The following DNER variants were observed in gnomAD, a reference collection of about 807,000 sequenced individuals.
DNER encodes delta and Notch-like epidermal growth factor-related receptor.
In DNER, 33 loss-of-function variants were observed where a neutral mutation model predicts 78.2. That is an observed-to-expected ratio of 0.42 (90% CI 0.32 to 0.56). The LOEUF (loss-of-function observed/expected upper bound fraction) is 0.56, where lower values mean the gene tolerates loss of function less well. Among genes scored for constraint, DNER ranks in the 20% least tolerant of loss-of-function variants. The pLI is 0.11. For synonymous variants in DNER, 417 were observed against 384.8 expected (o/e 1.08, Z -0.98); for missense variants, 918 against 975.3 (o/e 0.94, Z 0.78).
At chr2:229,561,307 T>C (rs1696955548) in intron 4 of DNER, among the ~76,000 whole-genome samples, 1 of 152,208 alleles carries the variant, frequency 6.6e-6, no homozygotes, top group Non-Finnish European at 1.5e-5. Context: ...TATTAAGTAA[T>C]ATCATTTGCT....
At chr2:229,375,035 T>C (rs1692567670) in intron 11 of DNER, among the ~76,000 whole-genome samples, 1 of 152,162 alleles carries the variant, frequency 6.6e-6, no homozygotes, top group Non-Finnish European at 1.5e-5. Flanking sequence ...TTTTTTGGAA[T>C]AAAAAAGTCA....
In DNER at chr2:229,668,573, T is replaced by TATAC. The variant is rs1553550489; in HGVS notation, c.276+45574_276+45575insGTAT. ...ATATATATATATATATATATATATA[T>TATAC]ATATATAAAAGAAGACATTTATGTG... On this transcript the variant is annotated intron_variant, in intron 1 of 12. Coordinates refer to ENST00000341772, the MANE Select transcript of DNER (RefSeq NM_139072.4). Among the ~76,000 whole-genome samples, 340 of 91,578 alleles carry TATAC rather than the reference T, an allele frequency of 3.7e-3. 1 individual carries two copies. The highest frequency in any genetic ancestry group is 0.013 in the African/African-American group (224 of 16,768). The allele number at this position is 91,578 out of a possible 152,430, so 60.1% of individuals were successfully genotyped here.
chr2:229,484,703 C>T (rs1287778905), intron 6 of DNER, among the ~76,000 whole-genome samples: 1 of 152,122 alleles, frequency 6.6e-6, no homozygotes, highest in Non-Finnish European at 1.5e-5. Flanking sequence ...GCCAGGGCTG[C>T]TGCTGAACAC....
intron 1 of DNER, among the ~76,000 whole-genome samples, chr2:229,634,227 A>G (rs929975799): frequency 6.6e-6 from 1 of 152,174 alleles, no homozygotes; most frequent in Admixed American, 6.5e-5. Context: ...TATAATAGCT[A>G]TGTCTGAGTT....
At chr2:229,664,587 G>A (rs1461724113) in intron 1 of DNER, among the ~76,000 whole-genome samples, 1 of 152,188 alleles carries the variant, frequency 6.6e-6, no homozygotes, top group African/African-American at 2.4e-5. Context: ...CACACTAGAA[G>A]CAATGCAGAT....
intron 1 of DNER, among the ~76,000 whole-genome samples, chr2:229,674,023 G>T (rs1699256176): frequency 6.6e-6 from 1 of 152,188 alleles, no homozygotes; most frequent in Non-Finnish European, 1.5e-5. Flanking sequence ...CCCAGTGAAG[G>T]TCTCCATTCT....
intron 1 of DNER, among the ~76,000 whole-genome samples, chr2:229,594,878 G>A (rs899640458): frequency 6.9e-6 from 1 of 143,894 alleles, no homozygotes; most frequent in Non-Finnish European, 1.5e-5. Context: ...TATGATAATG[G>A]TAATACTCAA....
At chr2:229,681,827 AACACACACAC>A (rs72248647) in intron 1 of DNER, among the ~76,000 whole-genome samples, 36 of 144,446 alleles carry the variant, frequency 2.5e-4, no homozygotes, top group South Asian at 2.0e-3. Flanking sequence ...CTCTGCCTAA[AACACACACAC>A]ACACACACAC....
intron 1 of DNER, among the ~76,000 whole-genome samples, chr2:229,669,895 G>T (rs1699178557): frequency 6.6e-6 from 1 of 152,154 alleles, no homozygotes; most frequent in Non-Finnish European, 1.5e-5. Flanking sequence ...GAGGGTTCTT[G>T]CTCAATGAGT....
intron 11 of DNER, among the ~76,000 whole-genome samples, chr2:229,378,094 C>T (rs1165497268): frequency 6.6e-6 from 1 of 152,114 alleles, no homozygotes; most frequent in Non-Finnish European, 1.5e-5. Context: ...GCAGAAGGCA[C>T]CACGAGCCAA....
intron 8 of DNER, among the ~76,000 whole-genome samples, chr2:229,446,667 G>C (rs1694349421): frequency 6.6e-6 from 1 of 152,226 alleles, no homozygotes; most frequent in African/African-American, 2.4e-5. Context: ...CTAGTGGGTT[G>C]TGCACACACA....
rs140453968 is a variant in DNER at position 229,447,494 on chromosome 2, C to T, written c.1308G>A (p.Ser436=). The T allele has an allele frequency of 1.8e-4, 286 of 1,614,132 alleles. 1 individual carries two copies. Among genetic ancestry groups the T allele is most frequent in the African/African-American group, 1.4e-3 (102 of 75,030 alleles). The change falls in exon 8 of 13, where the codon TCG becomes TCA. Residue 436 remains serine (S), a synonymous_variant. Coordinates refer to ENST00000341772, the MANE Select transcript of DNER (RefSeq NM_139072.4). ...ACEEKVDPCA[S]SPCQNNGTCY... ...AGGTGCCGTTGTTCTGGCACGGAGA[C>T]GAGGCGCAGGGGTCCACCTTTTCTT... is the stretch of plus-strand genomic sequence containing the variant.
intron 7 of DNER, among the ~76,000 whole-genome samples, chr2:229,463,435 G>A (rs901718173): frequency 6.6e-6 from 1 of 152,084 alleles, no homozygotes; most frequent in African/African-American, 2.4e-5. Context: ...CAAAATGAAA[G>A]TAGAAAATAT....
chr2:229,627,207 T>C lies in DNER; in HGVS notation c.277-35319A>G, dbSNP rs1292771905. ...AGACCCTGTGAGATATCCACACAAATGCTTCACTCTCTCAATTCTTTCCTC... is the reference window on the plus strand; with the variant it reads ...AGACCCTGTGAGATATCCACACAAACGCTTCACTCTCTCAATTCTTTCCTC... On this transcript the variant is annotated intron_variant, in intron 1 of 12. Transcript: ENST00000341772. Among the ~76,000 whole-genome samples, 14 of 152,192 alleles carry C rather than the reference T, an allele frequency of 9.2e-5. 1 individual carries two copies. Among genetic ancestry groups the C allele is most frequent in the Admixed American group, 9.2e-4 (14 of 15,276 alleles).
Position 229,584,416 on chromosome 2 carries a change from T to C in DNER, c.847+1442A>G, listed in dbSNP as rs573152398. 2.4e-4 allele frequency among the ~76,000 whole-genome samples: 36 copies of C among 152,316 alleles called. 1 individual carries two copies. In the South Asian group the frequency reaches 7.0e-3, roughly 30 times the overall value. On this transcript the variant is annotated intron_variant, in intron 4 of 12. Transcript: ENST00000341772. ...TTGAGCTCAGGCCTTTGAATTGAGC[T>C]GCAAGGTGGAACATTATGTCAGCAC...
chr2:229,556,801 A>G (rs1284998455), intron 4 of DNER, among the ~76,000 whole-genome samples: 2 of 152,240 alleles, frequency 1.3e-5, no homozygotes. Flanking sequence ...TGTGTCACAC[A>G]TTACCACGTA....
intron 2 of DNER, 48 bp from the exon 3 acceptor site, chr2:229,588,536 A>G (rs368576886): frequency 5.8e-4 from 894 of 1,550,000 alleles, no homozygotes; most frequent in Non-Finnish European, 7.5e-4. Context: ...TGTTTATAGT[A>G]TAACATAATG....
At chr2:229,497,823 A>T (rs891740678) in intron 6 of DNER, among the ~76,000 whole-genome samples, 2 of 152,162 alleles carry the variant, frequency 1.3e-5, no homozygotes, top group African/African-American at 4.8e-5. Flanking sequence ...GTAATAAAAA[A>T]GTCTCCCATC....
At chr2:229,646,477 A>T (rs1289323800) in intron 1 of DNER, among the ~76,000 whole-genome samples, 1 of 152,262 alleles carries the variant, frequency 6.6e-6, no homozygotes, top group Admixed American at 6.5e-5. Context: ...CTGACCAAGT[A>T]CATTATGCTT....
Sources: gnomAD v4.1 joint callset for allele counts (sites outside exome capture counted in the v4.1 genomes callset) on GRCh38, gnomAD v4.1.1 for gene constraint, MANE v1.5 for transcripts, NCBI Gene and HGNC (gene_info 2026-07-23, HGNC 2026-07-21) for gene names.